CYP2F1: variants seen among roughly 807,000 people sequenced by gnomAD.
CYP2F1 encodes cytochrome P450 family 2 subfamily F member 1, also known as cytochrome P450 2F1.
A neutral mutation model predicts 40.4 loss-of-function variants in CYP2F1; 33 were observed. The ratio of observed to expected loss-of-function variants is 0.82; its 90% CI spans 0.62 to 1.09. CYP2F1 has a LOEUF of 1.09. Among genes scored for constraint, CYP2F1 ranks in the 50% least tolerant of loss-of-function variants. The probability of loss-of-function intolerance (pLI) is 0.00; values close to 1 mark genes in which losing one functional copy is unlikely to be tolerated. For missense variants in CYP2F1, 566 were observed against 655.7 expected (o/e 0.86, Z 1.49); for synonymous variants, 235 against 277.2 (o/e 0.85, Z 1.51).
intron 6 of CYP2F1, 104 bp downstream of exon 6, chr19:41,122,237 T>C: frequency 9.0e-7 from 1 of 1,106,624 alleles, no homozygotes; most frequent in East Asian, 2.6e-5. Flanking sequence ...TTGGGGGACC[T>C]TCTCCCTGGA....
chr19:41,125,022 G>T (rs937535337), intron 8 of CYP2F1, 116 bp downstream of exon 8: 12 of 870,712 alleles, frequency 1.4e-5, no homozygotes, highest in Non-Finnish European at 3.4e-6. Context: ...TTAGCAACTG[G>T]CATCCCAAGC....
intron 1 of CYP2F1, among the ~76,000 whole-genome samples, chr19:41,115,026 T>G (rs2031710582): frequency 1.3e-5 from 2 of 152,130 alleles, no homozygotes; most frequent in Admixed American, 1.3e-4. Flanking sequence ...TGCCTCGGCC[T>G]CCCAGAGTGC....
Position 41,122,942 on chromosome 19 carries a change from A to T in CYP2F1, c.943A>T (p.Met315Leu), listed in dbSNP as rs749122119. The T allele has an allele frequency of 2.5e-6, 4 of 1,613,090 alleles. No homozygotes were observed. The highest frequency in any genetic ancestry group is 3.4e-6 in the Non-Finnish European group (4 of 1,179,428). ...TTLHHAFLAL[M>L]KYPKVQARVQ... ...GCTGCACCACGCCTTCCTGGCACTCATGAAGTACCCAAAAGTTCAAGGTGA... is the reference window on the plus strand; with the variant it reads ...GCTGCACCACGCCTTCCTGGCACTCTTGAAGTACCCAAAAGTTCAAGGTGA... Residue 315 changes from methionine (M) to leucine (L), a missense_variant, in exon 7 of 10, where the codon ATG becomes TTG. Physicochemically the swap from Met to Leu is conservative, Grantham distance 15 (BLOSUM62 2). Around this residue, in one of 5 missense-constraint regions of CYP2F1, gnomAD observed 128 missense variants for 121.0 expected, o/e 1.06. Transcript: ENST00000331105.
intron 3 of CYP2F1, 85 bp from the exon 4 acceptor site, chr19:41,120,262 C>A: frequency 5.1e-6 from 7 of 1,359,352 alleles, no homozygotes; most frequent in Non-Finnish European, 7.0e-6. Flanking sequence ...GTCTCTCTCC[C>A]AGCAAATACC....
chr19:41,119,195 A>C (rs1252820093), intron 3 of CYP2F1, among the ~76,000 whole-genome samples: 2 of 152,172 alleles, frequency 1.3e-5, no homozygotes, highest in Non-Finnish European at 2.9e-5. Context: ...TCTGGGAAAG[A>C]CCAGCCTGTG....
rs772880160 is a variant in CYP2F1, at chr19:41,120,357, C to T, written c.345C>T (p.Phe115=). 9 of 1,607,650 alleles carry T rather than the reference C, an allele frequency of 5.6e-6. No individual in the cohort carries two copies. The highest frequency in any genetic ancestry group is 7.6e-6 in the Non-Finnish European group (9 of 1,177,816). ...TCCTCTTCTCCCCAGGCATCGCCTT[C>T]TCCAGTGGGGATCGATGGAAGGTCC... ...FNFTKGNGIA[F]SSGDRWKVLR... The change falls in exon 4 of 10, where the codon TTC becomes TTT. Residue 115 remains phenylalanine (F), a synonymous_variant. Coordinates refer to ENST00000331105, the MANE Select transcript of CYP2F1 (RefSeq NM_000774.5).
intron 7 of CYP2F1, 62 bp from the exon 8 acceptor site, chr19:41,124,657 C>T: frequency 6.8e-7 from 1 of 1,472,906 alleles, no homozygotes; most frequent in African/African-American, 1.4e-5. Context: ...CACCTCTTAT[C>T]AGCCTGGTTG....
chr19:41,121,693 G>C, intron 5 of CYP2F1, 75 bp downstream of exon 5: 2 of 1,426,642 alleles, frequency 1.4e-6, no homozygotes, highest in Non-Finnish European at 1.9e-6. Context: ...ACAGTGGGCG[G>C]GGAAAGGGCT....
At chr19:41,121,658 C>T (rs770887716) in intron 5 of CYP2F1, 40 bp downstream of exon 5, 8 of 1,561,748 alleles carry the variant, frequency 5.1e-6, no homozygotes, top group African/African-American at 1.4e-5. Flanking sequence ...GTGTGGGGTC[C>T]GCAGGATCTA....
At position 41,122,803 on chromosome 19, in the gene CYP2F1, C is replaced by T; in HGVS notation, c.823-19C>T. 1 of 1,520,136 alleles carries T rather than the reference C, an allele frequency of 6.6e-7. No homozygotes were observed. Among genetic ancestry groups the T allele is most frequent in the Non-Finnish European group, 8.8e-7 (1 of 1,134,560 alleles). 94.2% of individuals were successfully genotyped at this position (1,520,136 alleles called of 1,614,324 possible). A position where few individuals can be genotyped will look rare whatever the true frequency, so the allele number is the denominator to read the frequency against. On this transcript the variant is annotated intron_variant, in intron 6 of 9. Transcript: ENST00000331105. ...GGCCTCCATTCCTGGCTCACATCCCCACCCCTCTACCAATGCAGGAGAAGG... is the reference window on the plus strand; with the variant it reads ...GGCCTCCATTCCTGGCTCACATCCCTACCCCTCTACCAATGCAGGAGAAGG...
Position 41,124,738 on chromosome 19 carries a change from C to G in CYP2F1, c.984C>G (p.Ile328Met), listed in dbSNP as rs866537281. ...PKVQARVQEE[I>M]DLVVGRARLP... ...CTCCAGCCCGCGTGCAGGAGGAGAT[C>G]GACCTCGTGGTGGGACGCGCGCGGC... is the stretch of plus-strand genomic sequence containing the variant. Residue 328 changes from isoleucine (I) to methionine (M), a missense_variant, in exon 8 of 10, where the codon ATC becomes ATG. Around this residue, in one of 5 missense-constraint regions of CYP2F1, gnomAD observed 128 missense variants for 121.0 expected, o/e 1.06. Transcript: ENST00000331105. The G allele has an allele frequency of 6.2e-7, 1 of 1,603,662 alleles. No individual in the cohort carries two copies. Among genetic ancestry groups the G allele is most frequent in the Non-Finnish European group, 8.5e-7 (1 of 1,179,312 alleles).
At chr19:41,115,465 GTC>G (rs1349611481) in intron 1 of CYP2F1, among the ~76,000 whole-genome samples, 23 of 152,120 alleles carry the variant, frequency 1.5e-4, no homozygotes, top group African/African-American at 4.6e-4. Context: ...GTGTTTGTCT[GTC>G]TCTGTCCCTG....
At chr19:41,121,000 A>G (rs1226426115) in intron 4 of CYP2F1, among the ~76,000 whole-genome samples, 1 of 151,852 alleles carries the variant, frequency 6.6e-6, no homozygotes, top group Non-Finnish European at 1.5e-5. Context: ...AGGATTATGT[A>G]GCTGTATGCT....
At position 41,116,149 on chromosome 19, in the gene CYP2F1, C is replaced by T. The variant is rs367694553; in HGVS notation, c.-11-29C>T. The T allele has an allele frequency of 5.8e-6, 9 of 1,562,976 alleles. No individual in the cohort carries two copies. The Admixed American group carries it at 7.1e-5, about 12-fold the overall frequency. ...GGAAAGGAGGGATCAGCGATGTCCT[C>T]TCCCACTTTGCCCTCCACACGCCAG... is the stretch of plus-strand genomic sequence containing the variant. On this transcript the variant is annotated intron_variant, in intron 1 of 9. Coordinates refer to ENST00000331105, the MANE Select transcript of CYP2F1 (RefSeq NM_000774.5).
rs1414440577 is a variant in CYP2F1, at chr19:41,123,141, A to G, written c.964+178A>G. Reference sequence around the variant, plus strand: ...TCCCACCACATGGCCCATGAGGTCCATGCAGCCTGCCCGAATCCCGACCCA... The same window carrying G: ...TCCCACCACATGGCCCATGAGGTCCGTGCAGCCTGCCCGAATCCCGACCCA... On this transcript the variant is annotated intron_variant, in intron 7 of 9. Coordinates refer to ENST00000331105, the MANE Select transcript of CYP2F1 (RefSeq NM_000774.5). 1.9e-5 allele frequency: 14 copies of G among 743,646 alleles called. No individual in the cohort carries two copies. The East Asian group carries it at 2.2e-4, about 11-fold the overall frequency. The allele number at this position is 743,646 out of a possible 1,614,324, so 46.1% of individuals were successfully genotyped here.
chr19:41,122,827 G>A lies in CYP2F1; in HGVS notation c.828G>A (p.Lys276=), dbSNP rs756494789. ...QCFLTKMAEE[K]EDPLSHFHMD... is the part of the protein sequence containing the mutation. ...CCACCCCTCTACCAATGCAGGAGAA[G>A]GAGGACCCACTGAGCCACTTCCACA... The change falls in exon 7 of 10, where the codon AAG becomes AAA. Residue 276 remains lysine, a synonymous_variant. Transcript: ENST00000331105. The A allele has an allele frequency of 6.5e-7, 1 of 1,537,584 alleles. No homozygotes were observed. The highest frequency in any genetic ancestry group is 2.3e-5 in the East Asian group (1 of 44,092).
chr19:41,127,378 C>G (rs1249606289), intron 9 of CYP2F1, among the ~76,000 whole-genome samples: 1 of 152,136 alleles, frequency 6.6e-6, no homozygotes, highest in Non-Finnish European at 1.5e-5. Flanking sequence ...TGCTGTCACC[C>G]AGGCTAGAGG....
intron 9 of CYP2F1, among the ~76,000 whole-genome samples, chr19:41,127,662 C>T (rs116844571): frequency 0.04 from 6,044 of 152,200 alleles, 165 homozygotes; most frequent in Admixed American, 0.085. Context: ...ATATCCAGAA[C>T]GTGTGGTTTG....
intron 7 of CYP2F1, among the ~76,000 whole-genome samples, chr19:41,123,637 T>C (rs118175692): frequency 0.061 from 9,305 of 152,212 alleles, 460 homozygotes; most frequent in Admixed American, 0.15. Context: ...CACCTCCGCC[T>C]TATCAATAGC....
Sources: gnomAD v4.1 joint callset for allele counts (sites outside exome capture counted in the v4.1 genomes callset) on GRCh38, gnomAD v4.1.1 for gene constraint, gnomAD v4.1.1 regional missense constraint, MANE v1.5 for transcripts, NCBI Gene and HGNC (gene_info 2026-07-23, HGNC 2026-07-21) for gene names.